Variants in SNX29 observed in about 807,000 individuals in gnomAD.
SNX29 encodes the protein sorting nexin-29.
SNX29 carries 78 observed loss-of-function variants against 102.1 expected under a neutral mutation model. The observed-to-expected ratio is 0.76, with a 90% CI of 0.64 to 0.92. SNX29 has a LOEUF of 0.92. Among genes scored for constraint, SNX29 ranks in the 40% least tolerant of loss-of-function variants. The pLI is 0.00. For missense variants in SNX29, 1,280 were observed against 1,061.7 expected (o/e 1.21, Z -2.86); for synonymous variants, 580 against 414.5 (o/e 1.40, Z -4.85).
chr16:12,453,092 T>G (rs1473461469), intron 18 of SNX29, among the ~76,000 whole-genome samples: 2 of 151,940 alleles, frequency 1.3e-5, no homozygotes, highest in African/African-American at 4.8e-5. Context: ...CACCCTTCAT[T>G]CTCCCAGGCG....
intron 19 of SNX29, among the ~76,000 whole-genome samples, chr16:12,500,938 T>C (rs993627848): frequency 6.6e-6 from 1 of 152,218 alleles, no homozygotes; most frequent in African/African-American, 2.4e-5. Context: ...ACTTGTCAGA[T>C]TGTCAGGCTC....
At chr16:12,542,084 G>A (rs1020683964) in intron 20 of SNX29, among the ~76,000 whole-genome samples, 2 of 152,018 alleles carry the variant, frequency 1.3e-5, no homozygotes, top group African/African-American at 4.8e-5. Context: ...TCCAAATCCT[G>A]CAATATTGTC....
chr16:12,180,494 T>TTTTTTTTGAA (rs1364583210), intron 13 of SNX29, among the ~76,000 whole-genome samples: 1 of 152,080 alleles, frequency 6.6e-6, no homozygotes, highest in Non-Finnish European at 1.5e-5. Flanking sequence ...CTGTCTCTTT[T>TTTTTTTTGAA]TTTTTTTGAG....
intron 20 of SNX29, among the ~76,000 whole-genome samples, chr16:12,547,546 C>T (rs2077685419): frequency 6.6e-6 from 1 of 152,080 alleles, no homozygotes; most frequent in African/African-American, 2.4e-5. Context: ...AGAACAGAGT[C>T]CTGAGCTGTG....
In SNX29 at chr16:12,127,701, C is replaced by T. The variant is rs998034303; in HGVS notation, c.1466+1005C>T. On this transcript the variant is annotated intron_variant, in intron 12 of 20. Transcript: ENST00000566228. ...CCTCCCAAAGTGCTAAGATTATAGA[C>T]GTGAGCCACTGTGCCTGGCCTCTAG... Among the ~76,000 whole-genome samples the T allele has an allele frequency of 5.3e-5, 8 of 152,144 alleles. No homozygotes were observed. In the East Asian group the frequency reaches 9.6e-4, roughly 18 times the overall value.
intron 4 of SNX29, among the ~76,000 whole-genome samples, chr16:12,030,645 T>A (rs2151130446): frequency 6.6e-6 from 1 of 152,298 alleles, no homozygotes; most frequent in Middle Eastern, 3.4e-3. Context: ...ACTTTGCACA[T>A]CATGGAGTGG....
intron 14 of SNX29, among the ~76,000 whole-genome samples, chr16:12,250,831 G>A (rs1297209575): frequency 2.2e-5 from 3 of 135,462 alleles, no homozygotes; most frequent in Admixed American, 7.4e-5. Flanking sequence ...CTAGAAGAGC[G>A]ACTGGGCTGG....
At chr16:12,522,227 A>G (rs909109896) in intron 19 of SNX29, among the ~76,000 whole-genome samples, 3 of 152,238 alleles carry the variant, frequency 2.0e-5, no homozygotes, top group East Asian at 1.9e-4. Flanking sequence ...GTTTCGTTGT[A>G]TAGAACATAC....
intron 13 of SNX29, among the ~76,000 whole-genome samples, chr16:12,190,377 A>G (rs1453379763): frequency 6.6e-6 from 1 of 152,096 alleles, no homozygotes; most frequent in Non-Finnish European, 1.5e-5. Context: ...CATACTCTAG[A>G]TAGGGGAAGA....
chr16:12,327,418 A>G (rs2081151612), intron 15 of SNX29, among the ~76,000 whole-genome samples: 1 of 151,986 alleles, frequency 6.6e-6, no homozygotes, highest in African/African-American at 2.4e-5. Flanking sequence ...GAAGGCTGAG[A>G]TCAAGGTGTC....
chr16:11,982,093 A>G (rs1290642846), intron 1 of SNX29, among the ~76,000 whole-genome samples: 2 of 152,070 alleles, frequency 1.3e-5, no homozygotes, highest in Admixed American at 1.3e-4. Flanking sequence ...ATATACCTTG[A>G]TGCAAATTAA....
chr16:12,532,037 A>G (rs979670549), intron 20 of SNX29, among the ~76,000 whole-genome samples: 2 of 152,176 alleles, frequency 1.3e-5, no homozygotes, highest in African/African-American at 4.8e-5. Context: ...GTGTCACCAC[A>G]TGGAGCTGCA....
At chr16:12,538,752 T>C (rs535642163) in intron 20 of SNX29, among the ~76,000 whole-genome samples, 2 of 152,016 alleles carry the variant, frequency 1.3e-5, no homozygotes, top group African/African-American at 2.4e-5. Context: ...CCCATATGGG[T>C]ATCATCCAAG....
At chr16:12,409,041 T>C (rs2084287481) in intron 18 of SNX29, among the ~76,000 whole-genome samples, 1 of 152,232 alleles carries the variant, frequency 6.6e-6, no homozygotes, top group South Asian at 2.1e-4. Flanking sequence ...GTTATGCCAC[T>C]GAAAATAAGA....
rs1411465178 is a variant in SNX29, at chr16:12,114,596, GTTC to G, written c.1403-12031_1403-12029del. Among the ~76,000 whole-genome samples the G allele has an allele frequency of 2.7e-5, 4 of 145,568 alleles. No homozygotes were observed. The East Asian group carries it at 7.9e-4, about 29-fold the overall frequency. On this transcript the variant is annotated intron_variant, in intron 11 of 20. Transcript: ENST00000566228. ...TTTTTTTTTTTTTAATTTTGTTTTT[GTTC>G]TTCTTGAGACGGAGTTTTGCTCTGC...
At chr16:12,227,953 A>T (rs1188196177) in intron 14 of SNX29, among the ~76,000 whole-genome samples, 1 of 146,756 alleles carries the variant, frequency 6.8e-6, no homozygotes, top group Non-Finnish European at 1.5e-5. Context: ...CTGGACCAGC[A>T]GTAGTGGACT....
chr16:12,538,003 A>T (rs890984368), intron 20 of SNX29, among the ~76,000 whole-genome samples: 247 of 134,778 alleles, frequency 1.8e-3, no homozygotes, highest in African/African-American at 7.9e-3. Context: ...AAAAAAAAAA[A>T]TTGTCTGCCA....
At chr16:12,531,468 G>A (rs2076930742) in intron 20 of SNX29, among the ~76,000 whole-genome samples, 1 of 152,214 alleles carries the variant, frequency 6.6e-6, no homozygotes, top group Non-Finnish European at 1.5e-5. Context: ...AGGGGGACAT[G>A]GGTTTGGAAG....
intron 13 of SNX29, among the ~76,000 whole-genome samples, chr16:12,134,502 G>A (rs199818026): frequency 1.0e-3 from 153 of 152,320 alleles, no homozygotes; most frequent in African/African-American, 3.3e-3. Flanking sequence ...GCTTCAGCTC[G>A]TTGCCACGTG....
Sources: allele counts gnomAD v4.1 joint callset (sites outside exome capture counted in the v4.1 genomes callset), GRCh38; gene constraint gnomAD v4.1.1; transcripts MANE v1.5; gene names NCBI Gene and HGNC (gene_info 2026-07-23, HGNC 2026-07-21).